NAA35: variants seen among roughly 807,000 people sequenced by gnomAD.
The protein encoded by NAA35 is N-alpha-acetyltransferase 35, NatC auxiliary subunit.
A neutral mutation model predicts 101.7 loss-of-function variants in NAA35; 18 were observed. The ratio of observed to expected loss-of-function variants is 0.18; its 90% CI spans 0.12 to 0.26. The LOEUF (loss-of-function observed/expected upper bound fraction) is 0.26. NAA35 is among the 10% of genes least tolerant of loss of function. The probability of loss-of-function intolerance (pLI) is 1.00; values close to 1 mark genes in which losing one functional copy is unlikely to be tolerated. For synonymous variants in NAA35, 267 were observed against 273.1 expected (o/e 0.98, Z 0.22); for missense variants, 601 against 886.8 (o/e 0.68, Z 4.09).
chr9:85,950,045 G>A (rs1258454724), intron 2 of NAA35, among the ~76,000 whole-genome samples: 1 of 152,094 alleles, frequency 6.6e-6, no homozygotes, highest in Non-Finnish European at 1.5e-5. Context: ...ATGATAATTT[G>A]AAACATTATC....
chr9:86,010,248 CATAATAATAATA>C (rs544359131), intron 15 of NAA35, among the ~76,000 whole-genome samples: 1 of 150,556 alleles, frequency 6.6e-6, no homozygotes, highest in African/African-American at 2.5e-5. Flanking sequence ...TCTCAATAAC[CATAATAATAATA>C]ATAATAATAA....
intron 11 of NAA35, among the ~76,000 whole-genome samples, chr9:85,989,905 A>C (rs1351041019): frequency 1.3e-5 from 2 of 152,240 alleles, no homozygotes; most frequent in African/African-American, 4.8e-5. Context: ...AATCATCTGT[A>C]ATATAAAGAT....
intron 21 of NAA35, among the ~76,000 whole-genome samples, chr9:86,019,026 T>C (rs1055096884): frequency 1.3e-5 from 2 of 152,226 alleles, no homozygotes; most frequent in Admixed American, 6.5e-5. Context: ...GATATAAATA[T>C]CTGCTTTGTA....
intron 17 of NAA35, among the ~76,000 whole-genome samples, chr9:86,015,955 A>C (rs1832192758): frequency 6.6e-6 from 1 of 152,046 alleles, no homozygotes; most frequent in Non-Finnish European, 1.5e-5. Flanking sequence ...ATTCAGGGCC[A>C]GGAATTGTTT....
Position 86,022,039 on chromosome 9 carries a change from A to C in NAA35, c.*79A>C. ...CTTAGAGGGCACATCACCAGGCTCC[A>C]CATCACGGGAAGTGAGATGGATTTC... On this transcript the variant is annotated 3_prime_UTR_variant, in exon 23 of 23. Coordinates refer to ENST00000361671, the MANE Select transcript of NAA35 (RefSeq NM_024635.4). 9.4e-7 allele frequency: 1 copy of C among 1,064,142 alleles called. No homozygotes were observed. Among genetic ancestry groups the C allele is most frequent in the East Asian group, 2.5e-5 (1 of 40,510 alleles). 65.9% of individuals were successfully genotyped at this position (1,064,142 alleles called of 1,614,324 possible).
chr9:86,015,858 T>C (rs1832184133), intron 17 of NAA35: 4 of 807,032 alleles, frequency 5.0e-6, no homozygotes, highest in Non-Finnish European at 6.0e-6. Context: ...ATATGAGTTG[T>C]TATGGACTCT....
chr9:85,962,236 A>G, intron 6 of NAA35, 56 bp downstream of exon 6: 2 of 1,560,580 alleles, frequency 1.3e-6, no homozygotes, highest in South Asian at 2.3e-5. Flanking sequence ...CATGCCTGTA[A>G]TCTCAGCAGT....
At chr9:85,960,679 A>G (rs529101757) in intron 5 of NAA35, among the ~76,000 whole-genome samples, 6 of 152,166 alleles carry the variant, frequency 3.9e-5, no homozygotes, top group Non-Finnish European at 8.8e-5. Context: ...TTAGCAGTTT[A>G]CAGTCCTAGT....
At chr9:86,018,572 C>A in intron 20 of NAA35, 127 bp from the exon 21 acceptor site, 1 of 1,345,696 alleles carries the variant, frequency 7.4e-7, no homozygotes, top group Non-Finnish European at 1.0e-6. Flanking sequence ...GGGAGATGTG[C>A]TGAATGTTTG....
chr9:86,013,600 T>G, intron 16 of NAA35, 119 bp from the exon 17 acceptor site: 1 of 892,882 alleles, frequency 1.1e-6, no homozygotes, highest in Non-Finnish European at 1.7e-6. Context: ...AAATGTTTCT[T>G]TGGGTGGTCA....
intron 11 of NAA35, among the ~76,000 whole-genome samples, chr9:85,994,802 T>C (rs1484472470): frequency 6.6e-6 from 1 of 152,326 alleles, no homozygotes; most frequent in Admixed American, 6.5e-5. Flanking sequence ...AGATGAAATA[T>C]GTTCTATTAT....
At chr9:86,004,124 T>C (rs1831528790) in intron 13 of NAA35, among the ~76,000 whole-genome samples, 2 of 152,144 alleles carry the variant, frequency 1.3e-5, no homozygotes, top group Admixed American at 6.5e-5. Context: ...TGTTTTTGTT[T>C]TGAGATAATC....
intron 15 of NAA35, among the ~76,000 whole-genome samples, chr9:86,011,912 T>TCATATAATATATACTATAATATATAA (rs1831941884): frequency 7.1e-6 from 1 of 140,620 alleles, no homozygotes; most frequent in African/African-American, 2.6e-5. Flanking sequence ...TTAATATATA[T>TCATATAATATATACTATAATATATAA]TATATATCAT....
At chr9:85,954,421 A>T (rs1829149849) in intron 2 of NAA35, among the ~76,000 whole-genome samples, 1 of 152,130 alleles carries the variant, frequency 6.6e-6, no homozygotes, top group Non-Finnish European at 1.5e-5. Flanking sequence ...ACTGTTTTCC[A>T]CAGTGTCTCG....
intron 2 of NAA35, among the ~76,000 whole-genome samples, chr9:85,949,455 C>T (rs987264666): frequency 4.6e-5 from 7 of 151,934 alleles, no homozygotes; most frequent in South Asian, 4.2e-4. Context: ...CCACCATGCC[C>T]GGCTAATTTT....
intron 16 of NAA35, 143 bp from the exon 17 acceptor site, chr9:86,013,576 A>G (rs2118443008): frequency 1.4e-6 from 1 of 722,274 alleles, no homozygotes; most frequent in South Asian, 2.1e-5. Context: ...AAACCTAACT[A>G]AAAATGCATT....
intron 21 of NAA35, 48 bp downstream of exon 21, chr9:86,018,869 TAC>T: frequency 6.3e-7 from 1 of 1,596,954 alleles, no homozygotes; most frequent in Non-Finnish European, 8.5e-7. Flanking sequence ...TGGCAGGAAA[TAC>T]ATCTCTTACT....
chr9:85,968,954 A>G (rs191704951), intron 6 of NAA35, among the ~76,000 whole-genome samples: 21 of 152,240 alleles, frequency 1.4e-4, no homozygotes, highest in East Asian at 9.6e-4. Context: ...TTAGTTTTCT[A>G]TGTACTTCTC....
intron 6 of NAA35, among the ~76,000 whole-genome samples, chr9:85,968,400 T>C (rs967712711): frequency 3.3e-5 from 5 of 152,018 alleles, no homozygotes; most frequent in South Asian, 2.1e-4. Flanking sequence ...TTAGTAGAGA[T>C]GGGGTTTCAC....
Sources: gnomAD v4.1 joint callset for allele counts (sites outside exome capture counted in the v4.1 genomes callset) on GRCh38, gnomAD v4.1.1 for gene constraint, MANE v1.5 for transcripts, NCBI Gene and HGNC (gene_info 2026-07-23, HGNC 2026-07-21) for gene names.